Variants in IQGAP2 observed in about 807,000 individuals in gnomAD.
IQGAP2 encodes ras GTPase-activating-like protein IQGAP2.
A neutral mutation model predicts 201.3 loss-of-function variants in IQGAP2; 173 were observed. That is an observed-to-expected ratio of 0.86 (90% CI 0.76 to 0.98). IQGAP2 has a LOEUF of 0.98. Among genes scored for constraint, IQGAP2 ranks in the 50% least tolerant of loss-of-function variants. The probability of loss-of-function intolerance (pLI) is 0.00; values close to 1 mark genes in which losing one functional copy is unlikely to be tolerated. For synonymous variants in IQGAP2, 675 were observed against 673.9 expected (o/e 1.00, Z -0.03); for missense variants, 1,687 against 1,864.8 (o/e 0.90, Z 1.76).
intron 1 of IQGAP2, among the ~76,000 whole-genome samples, chr5:76,420,743 C>T (rs907444973): frequency 2.6e-5 from 4 of 152,204 alleles, no homozygotes; most frequent in Non-Finnish European, 5.9e-5. Context: ...ATTCTCTCTC[C>T]TCCCAGCACT....
At chr5:76,459,953 T>G (rs1035382852) in intron 1 of IQGAP2, among the ~76,000 whole-genome samples, 1 of 152,094 alleles carries the variant, frequency 6.6e-6, no homozygotes, top group Non-Finnish European at 1.5e-5. Flanking sequence ...AATTATAATT[T>G]TTAAAGTCTA....
At chr5:76,456,898 A>AAC (rs1304042420) in intron 1 of IQGAP2, among the ~76,000 whole-genome samples, 1 of 152,202 alleles carries the variant, frequency 6.6e-6, no homozygotes, top group Non-Finnish European at 1.5e-5. Context: ...CAGCGTGGGT[A>AAC]ACATAGTGAG....
intron 2 of IQGAP2, among the ~76,000 whole-genome samples, chr5:76,509,673 T>C (rs1757839061): frequency 1.3e-5 from 2 of 151,898 alleles, no homozygotes; most frequent in South Asian, 4.2e-4. Context: ...GGATTACAGG[T>C]GTGAGCCACT....
rs999368045 is a variant in IQGAP2, at chr5:76,611,116, A to G, written c.1454A>G (p.Asp485Gly). 3 of 1,613,942 alleles carry G rather than the reference A, an allele frequency of 1.9e-6. No individual in the cohort carries two copies. The highest frequency in any genetic ancestry group is 2.5e-6 in the Non-Finnish European group (3 of 1,179,860). Residue 485 changes from aspartate (D) to glycine (G), a missense_variant, in exon 13 of 36, where the codon GAT (aspartate) becomes GGT (glycine). Physicochemically the swap from Asp to Gly is moderately conservative, Grantham distance 94. Coordinates refer to ENST00000274364, the MANE Select transcript of IQGAP2 (RefSeq NM_006633.5). ...CTCCTACCTACTGCGAATATTAGTG[A>G]TGTGGACCCAGCCCATGCCCAGCAC... is the stretch of plus-strand genomic sequence containing the variant. ...TLLLPTANIS[D>G]VDPAHAQHYQ...
chr5:76,688,163 C>T lies in IQGAP2; in HGVS notation c.3905+4246C>T, dbSNP rs76566433. ...TTAGAGAACCAAATTTAACTAAAAT[C>T]GGACAATGACTTTTATAAGTTATGA... is the stretch of plus-strand genomic sequence containing the variant. On this transcript the variant is annotated intron_variant, in intron 30 of 35. Coordinates refer to ENST00000274364, the MANE Select transcript of IQGAP2 (RefSeq NM_006633.5). 1.0e-3 allele frequency among the ~76,000 whole-genome samples: 157 copies of T among 152,254 alleles called. 3 individuals carry two copies. In the East Asian group the frequency reaches 0.025, roughly 24 times the overall value.
At chr5:76,543,477 C>T (rs183303186) in intron 2 of IQGAP2, among the ~76,000 whole-genome samples, 34 of 152,324 alleles carry the variant, frequency 2.2e-4, no homozygotes, top group Admixed American at 5.2e-4. Flanking sequence ...TCAGGCATCA[C>T]GGCCCTCCAG....
chr5:76,468,401 A>G (rs1754906888), intron 2 of IQGAP2, among the ~76,000 whole-genome samples: 1 of 152,158 alleles, frequency 6.6e-6, no homozygotes, highest in South Asian at 2.1e-4. Context: ...TTTACTCAAG[A>G]GTTTAAAGTT....
At chr5:76,538,797 C>T (rs1164117529) in intron 2 of IQGAP2, among the ~76,000 whole-genome samples, 1 of 152,182 alleles carries the variant, frequency 6.6e-6, no homozygotes, top group African/African-American at 2.4e-5. Flanking sequence ...CTCTCCTACT[C>T]TCTCTTCTGA....
chr5:76,667,884 T>C (rs1272734869), intron 22 of IQGAP2, among the ~76,000 whole-genome samples: 2 of 47,016 alleles, frequency 4.3e-5, no homozygotes, highest in African/African-American at 1.9e-4. Flanking sequence ...TTTCTTTTTT[T>C]TTTTTTTTTT....
At chr5:76,601,002 A>G (rs752889370) in intron 11 of IQGAP2, 30 bp downstream of exon 11, 22 of 1,596,786 alleles carry the variant, frequency 1.4e-5, no homozygotes, top group South Asian at 8.9e-5. Flanking sequence ...CCTTCTTTCA[A>G]TGCAGAAATG....
chr5:76,491,673 CCT>C (rs1180247280), intron 2 of IQGAP2, among the ~76,000 whole-genome samples: 1 of 152,114 alleles, frequency 6.6e-6, no homozygotes, highest in Non-Finnish European at 1.5e-5. Flanking sequence ...GTGCTTTTAG[CCT>C]CTGATAGCCG....
intron 2 of IQGAP2, among the ~76,000 whole-genome samples, chr5:76,550,860 T>C (rs1743421814): frequency 6.6e-6 from 1 of 152,362 alleles, no homozygotes; most frequent in East Asian, 1.9e-4. Flanking sequence ...CTCAATGAGC[T>C]GTTGGGTACA....
chr5:76,510,648 C>A, intron 2 of IQGAP2: 1 of 533,376 alleles, frequency 1.9e-6, no homozygotes, highest in South Asian at 1.4e-5. Flanking sequence ...ACTTCTACTC[C>A]TTTGGGGACT....
At chr5:76,504,990 C>T (rs1757523875) in intron 2 of IQGAP2, among the ~76,000 whole-genome samples, 1 of 152,168 alleles carries the variant, frequency 6.6e-6, no homozygotes, top group Admixed American at 6.5e-5. Flanking sequence ...CACCCCACCT[C>T]CCCACTGCCC....
chr5:76,481,057 T>TC (rs1453053379), intron 2 of IQGAP2, among the ~76,000 whole-genome samples: 1 of 152,136 alleles, frequency 6.6e-6, no homozygotes, highest in Non-Finnish European at 1.5e-5. Flanking sequence ...AGGTCACTAA[T>TC]CCCATTCATG....
At chr5:76,669,191 A>G (rs751734842) in intron 23 of IQGAP2, among the ~76,000 whole-genome samples, 1 of 152,242 alleles carries the variant, frequency 6.6e-6, no homozygotes, top group African/African-American at 2.4e-5. Context: ...ATCTCTGCCT[A>G]AATAGTCTTC....
intron 25 of IQGAP2, 155 bp from the exon 26 acceptor site, chr5:76,673,784 CTCAGTTATTATCA>C: frequency 1.5e-6 from 1 of 687,996 alleles, no homozygotes; most frequent in African/African-American, 1.8e-5. Flanking sequence ...GCAAACACAG[CTCAGTTATTATCA>C]TCAGTGGAAG....
intron 17 of IQGAP2, among the ~76,000 whole-genome samples, chr5:76,644,118 A>G (rs458426): frequency 0.62 from 93,413 of 151,252 alleles, 29,022 homozygotes; most frequent in South Asian, 0.78. Flanking sequence ...TAAAGTCTAT[A>G]AAATAGAGCA....
intron 5 of IQGAP2, among the ~76,000 whole-genome samples, chr5:76,583,288 A>T (rs1460424276): frequency 6.6e-6 from 1 of 152,192 alleles, no homozygotes; most frequent in African/African-American, 2.4e-5. Context: ...TCTTTTCAGC[A>T]TGGGAATACT....
Sources: allele counts gnomAD v4.1 joint callset (sites outside exome capture counted in the v4.1 genomes callset), GRCh38; gene constraint gnomAD v4.1.1; transcripts MANE v1.5; gene names NCBI Gene and HGNC (gene_info 2026-07-23, HGNC 2026-07-21).